ARHGAP32: variants seen among roughly 807,000 people sequenced by gnomAD.
ARHGAP32 encodes the protein Rho GTPase activating protein 32.
ARHGAP32 carries 51 observed loss-of-function variants against 186.5 expected under a neutral mutation model. The ratio of observed to expected loss-of-function variants is 0.27; its 90% CI spans 0.22 to 0.35. The LOEUF (loss-of-function observed/expected upper bound fraction) is 0.35, where lower values mean the gene tolerates loss of function less well. Ranked by LOEUF, ARHGAP32 falls within the 10% of genes least tolerant of loss-of-function variation. ARHGAP32 has a pLI of 1.00. For missense variants in ARHGAP32, 2,186 were observed against 2,623.5 expected, an observed-to-expected ratio of 0.83 and a Z score of 3.64; for synonymous variants, 950 against 964.3, an observed-to-expected ratio of 0.99 and a Z score of 0.27.
chr11:129,270,032 AACTT>A (rs1301367297), intron 1 of ARHGAP32, among the ~76,000 whole-genome samples: 1 of 152,024 alleles, frequency 6.6e-6, no homozygotes, highest in African/African-American at 2.4e-5. Context: ...ACAAGATGAA[AACTT>A]ACTTATTAAA....
intron 1 of ARHGAP32, among the ~76,000 whole-genome samples, chr11:129,226,751 C>A (rs2135625864): frequency 6.6e-6 from 1 of 152,112 alleles, no homozygotes. Context: ...GTATATGTTT[C>A]TACAAGAGAC....
intron 17 of ARHGAP32, 40 bp from the exon 18 acceptor site, chr11:128,980,788 C>A: frequency 1.4e-6 from 2 of 1,430,950 alleles, no homozygotes; most frequent in South Asian, 2.5e-5. Context: ...GAGTCAACTA[C>A]GTGAGTGTAT....
At chr11:129,073,026 GC>G (rs1238287783) in intron 6 of ARHGAP32, among the ~76,000 whole-genome samples, 3 of 152,232 alleles carry the variant, frequency 2.0e-5, no homozygotes, top group African/African-American at 7.2e-5. Context: ...AGGATGGAGG[GC>G]TGTGAACTGA....
chr11:128,973,525 A>C, intron 21 of ARHGAP32, 93 bp from the exon 22 acceptor site: 1 of 1,361,728 alleles, frequency 7.3e-7, no homozygotes, highest in Non-Finnish European at 1.0e-6. Context: ...ATCATTAAAA[A>C]ATAGGTGCCT....
rs553461781 is a variant in ARHGAP32, at chr11:129,225,709, T to G, written c.-5+53437A>C. ...CAGTCTTCAACAACAACAACAAAAT[T>G]ACAAGACACGCCAAGAAATAAAATA... is the stretch of plus-strand genomic sequence containing the variant. On this transcript the variant is annotated intron_variant, in intron 1 of 6. Transcript: ENST00000525234. Among the ~76,000 whole-genome samples the G allele has an allele frequency of 2.6e-5, 4 of 152,194 alleles. No individual in the cohort carries two copies. In the East Asian group the frequency reaches 7.7e-4, roughly 29 times the overall value.
chr11:129,078,728 G>A (rs1941126960), intron 6 of ARHGAP32, among the ~76,000 whole-genome samples: 1 of 151,976 alleles, frequency 6.6e-6, no homozygotes, highest in African/African-American at 2.4e-5. Flanking sequence ...CCTAACCTCA[G>A]GTGATCTGCC....
chr11:128,992,362 C>CA (rs552352864), intron 12 of ARHGAP32, among the ~76,000 whole-genome samples: 1,763 of 148,830 alleles, frequency 0.012, 32 homozygotes, highest in African/African-American at 0.041. Context: ...ATATGTACAC[C>CA]AAAAAAAAAT....
chr11:129,124,853 AG>A lies in ARHGAP32; in HGVS notation c.266del (p.Thr89IlefsTer11). On this transcript the variant is annotated frameshift_variant, in exon 3 of 23. Transcript: ENST00000682385. LOFTEE classifies it high-confidence loss of function. ...TGGCTGTACTGCCACACGTCTTAAG[AG>A]TAAGATCTCCAGGAATCTCTGGAAC... ...ADVPEIPGDL[T>X]LKTCGSTASM... 1 of 1,611,340 alleles carries A rather than the reference AG, an allele frequency of 6.2e-7. No homozygotes were observed. Among genetic ancestry groups the A allele is most frequent in the Non-Finnish European group, 8.5e-7 (1 of 1,178,650 alleles).
intron 1 of ARHGAP32, among the ~76,000 whole-genome samples, chr11:129,215,007 C>A (rs1346586971): frequency 6.6e-6 from 1 of 152,190 alleles, no homozygotes; most frequent in Non-Finnish European, 1.5e-5. Context: ...CTGACCCCAG[C>A]CGCTTAGGAA....
At chr11:129,221,503 G>GTGTT (rs1944710516) in intron 1 of ARHGAP32, among the ~76,000 whole-genome samples, 1 of 141,512 alleles carries the variant, frequency 7.1e-6, no homozygotes, top group Non-Finnish European at 1.6e-5. Context: ...GTGTGTGTGT[G>GTGTT]TGTGTGTGTG....
At chr11:129,152,788 T>G (rs1943316274) in intron 2 of ARHGAP32, among the ~76,000 whole-genome samples, 2 of 152,122 alleles carry the variant, frequency 1.3e-5, no homozygotes, top group South Asian at 4.1e-4. Flanking sequence ...TTATACTGAA[T>G]AGGGACAAGC....
chr11:129,101,897 A>G (rs1019720969), intron 5 of ARHGAP32, among the ~76,000 whole-genome samples: 1 of 152,230 alleles, frequency 6.6e-6, no homozygotes, highest in Non-Finnish European at 1.5e-5. Context: ...CACAAGACAC[A>G]TAATTGTCAG....
intron 11 of ARHGAP32, among the ~76,000 whole-genome samples, chr11:129,039,914 T>C (rs1939521175): frequency 6.6e-6 from 1 of 152,182 alleles, no homozygotes; most frequent in South Asian, 2.1e-4. Context: ...AAACACTGTT[T>C]TGAAGCATTT....
chr11:129,116,720 G>C (rs1486025844), intron 5 of ARHGAP32, among the ~76,000 whole-genome samples: 2 of 151,846 alleles, frequency 1.3e-5, no homozygotes, highest in South Asian at 4.1e-4. Context: ...AATGATGAAG[G>C]CTTAACTGAT....
intron 1 of ARHGAP32, among the ~76,000 whole-genome samples, chr11:129,274,884 C>T (rs759595877): frequency 6.6e-6 from 1 of 150,566 alleles, no homozygotes; most frequent in African/African-American, 2.4e-5. Context: ...TAATCAAAAC[C>T]GACTTTTCTC....
At position 128,974,062 on chromosome 11, in the gene ARHGAP32, T is replaced by C. The variant is rs768065311; in HGVS notation, c.3073+62A>G. ...AAATTTCTCTCTTAAAAGGCACAGA[T>C]GGCACACAGGATTGAAGATCCCTCT... On this transcript the variant is annotated intron_variant, in intron 21 of 22. Coordinates refer to ENST00000682385, the MANE Select transcript of ARHGAP32 (RefSeq NM_001378024.1). The C allele has an allele frequency of 5.8e-6, 9 of 1,562,278 alleles. No individual in the cohort carries two copies. In the African/African-American group the frequency reaches 8.2e-5, roughly 14 times the overall value.
upstream of ARHGAP32, among the ~76,000 whole-genome samples, chr11:129,195,699 A>G (rs2135566827): frequency 6.6e-6 from 1 of 152,282 alleles, no homozygotes; most frequent in African/African-American, 2.4e-5. Context: ...GGAAGACAAG[A>G]GCGAACCTCC....
At chr11:129,276,624 A>T (rs1945535225) in intron 1 of ARHGAP32, among the ~76,000 whole-genome samples, 1 of 152,184 alleles carries the variant, frequency 6.6e-6, no homozygotes, top group South Asian at 2.1e-4. Context: ...CATGTTTTTT[A>T]AATTTCTGTT....
At chr11:128,987,680 T>C (rs1020058926) in intron 13 of ARHGAP32, among the ~76,000 whole-genome samples, 4 of 152,188 alleles carry the variant, frequency 2.6e-5, no homozygotes, top group African/African-American at 7.2e-5. Flanking sequence ...AAATGTTCCA[T>C]TCCCATCCAT....
Sources: gnomAD v4.1 joint callset for allele counts (sites outside exome capture counted in the v4.1 genomes callset) on GRCh38, gnomAD v4.1.1 for gene constraint, MANE v1.5 for transcripts, NCBI Gene and HGNC (gene_info 2026-07-23, HGNC 2026-07-21) for gene names.